MAFK: variants seen among roughly 807,000 people sequenced by gnomAD.
MAFK encodes the protein MAF bZIP transcription factor K, also known as transcription factor MafK.
Under a neutral mutation model 9.2 loss-of-function variants are expected in MAFK, and 1 was observed. That is an observed-to-expected ratio of 0.11 (90% CI 0.04 to 0.52). The LOEUF is 0.52. Ranked by LOEUF, MAFK falls within the 20% of genes least tolerant of loss-of-function variation. The probability of loss-of-function intolerance (pLI) is 0.94; values close to 1 mark genes in which losing one functional copy is unlikely to be tolerated. For synonymous variants in MAFK, 110 were observed against 107.4 expected (o/e 1.02, Z -0.15); for missense variants, 207 against 236.0 (o/e 0.88, Z 0.81).
At chr7:1,533,725 C>T (rs1355664323) in intron 1 of MAFK, among the ~76,000 whole-genome samples, 2 of 150,602 alleles carry the variant, frequency 1.3e-5, no homozygotes, top group African/African-American at 2.5e-5. Context: ...GGGATCAAGC[C>T]TGGTTGGCGC....
intron 1 of MAFK, 59 bp from the exon 2 acceptor site, chr7:1,539,090 C>G: frequency 7.3e-7 from 1 of 1,369,748 alleles, no homozygotes; most frequent in Non-Finnish European, 1.0e-6. Flanking sequence ...GGTGGGCACC[C>G]TGTCCGGCGC....
intron 1 of MAFK, chr7:1,537,676 C>G: frequency 1.0e-6 from 1 of 985,562 alleles, no homozygotes; most frequent in South Asian, 4.7e-5. Context: ...GACTCGGCAG[C>G]CTGGCGCAGG....
At chr7:1,536,948 G>A (rs1416868893) in intron 1 of MAFK, among the ~76,000 whole-genome samples, 1 of 152,198 alleles carries the variant, frequency 6.6e-6, no homozygotes, top group East Asian at 1.9e-4. Context: ...GGAGCCCTGC[G>A]TCCGCCAGGT....
At chr7:1,531,795 G>A (rs149271112) in intron 1 of MAFK, among the ~76,000 whole-genome samples, 15 of 151,978 alleles carry the variant, frequency 9.9e-5, no homozygotes, top group Admixed American at 2.0e-4. Flanking sequence ...ACCTGGGTCC[G>A]CCTGGGACAC....
intron 1 of MAFK, among the ~76,000 whole-genome samples, chr7:1,533,924 TGTG>T (rs1165018995): frequency 6.6e-6 from 1 of 151,542 alleles, no homozygotes; most frequent in Non-Finnish European, 1.5e-5. Flanking sequence ...AGGAGGATGG[TGTG>T]GTGGGAGCCA....
Position 1,539,214 on chromosome 7 carries a change from A to G in MAFK, c.22A>G (p.Asn8Asp), listed in dbSNP as rs1018377880. 2.5e-6 allele frequency: 4 copies of G among 1,611,622 alleles called. No individual in the cohort carries two copies. The African/African-American group carries it at 5.4e-5, about 22-fold the overall frequency. The change falls in exon 2 of 3, where the codon AAT (asparagine) becomes GAT (aspartate). Residue 8 changes from asparagine to aspartate, a missense_variant. Asn to Asp is a conservative substitution (Grantham distance 23). Transcript: ENST00000343242. MTTNPKPNKALKVKKEAG... is the reference protein window; with the variant it reads MTTNPKPDKALKVKKEAG... ...GGTTATGACGACTAATCCCAAACCG[A>G]ATAAGGCATTAAAGGTAAGGCTGGT... is the stretch of plus-strand genomic sequence containing the variant.
Position 1,540,699 on chromosome 7 carries a change from CCT to C in MAFK, c.*327_*328del, listed in dbSNP as rs778601930. ...GAAAGGCCCTCGGGAAGTTCCGCGT[CCT>C]CTGTGGGGGCTGCCGGAAGACACGG... On this transcript the variant is annotated 3_prime_UTR_variant, in exon 3 of 3. Coordinates refer to ENST00000343242, the MANE Select transcript of MAFK (RefSeq NM_002360.4). The C allele has an allele frequency of 9.0e-5, 29 of 322,240 alleles. No individual in the cohort carries two copies. Among genetic ancestry groups the C allele is most frequent in the Non-Finnish European group, 1.4e-4 (25 of 174,260 alleles). 20.0% of individuals were successfully genotyped at this position (322,240 alleles called of 1,614,324 possible).
intron 1 of MAFK, among the ~76,000 whole-genome samples, chr7:1,535,741 A>G (rs3824070): frequency 0.65 from 99,206 of 152,246 alleles, 32,992 homozygotes; most frequent in African/African-American, 0.78. Context: ...GTTCTGGACG[A>G]CTGACCCTGG....
In MAFK at chr7:1,532,668, G is replaced by A. The variant is rs546708300; in HGVS notation, c.-45+1770G>A. ...CTGCTGTTAAGGGAGACCGTCTTCC[G>A]GGCCACTTCGCTGTCTACAAGGCGT... On this transcript the variant is annotated intron_variant, in intron 1 of 2. Coordinates refer to ENST00000343242, the MANE Select transcript of MAFK (RefSeq NM_002360.4). This position sits in a 1 kb window ranked among gnomAD's most constrained non-coding sequence, Gnocchi z 4.5. Among the ~76,000 whole-genome samples the A allele has an allele frequency of 9.8e-5, 15 of 152,294 alleles. No individual in the cohort carries two copies. Among genetic ancestry groups the A allele is most frequent in the Non-Finnish European group, 1.5e-4 (10 of 68,026 alleles).
At chr7:1,535,919 G>A (rs1784016752) in intron 1 of MAFK, among the ~76,000 whole-genome samples, 1 of 152,256 alleles carries the variant, frequency 6.6e-6, no homozygotes, top group African/African-American at 2.4e-5. Context: ...CCCAGCTGCA[G>A]CCGCAGGAAT....
chr7:1,530,972 G>A (rs1457347924), intron 1 of MAFK, 74 bp downstream of exon 1: 5 of 146,388 alleles, frequency 3.4e-5, no homozygotes, highest in African/African-American at 1.2e-4. Context: ...GGGGCTACCT[G>A]GCCGCTGAGT....
intron 1 of MAFK, among the ~76,000 whole-genome samples, chr7:1,533,892 T>C (rs1375703394): frequency 6.6e-6 from 1 of 151,358 alleles, no homozygotes; most frequent in African/African-American, 2.4e-5. Flanking sequence ...AGGATGCTGA[T>C]GGGGAGCTGG....
chr7:1,537,321 G>A (rs1001473636), intron 1 of MAFK: 7 of 942,892 alleles, frequency 7.4e-6, no homozygotes, highest in South Asian at 4.9e-5. Flanking sequence ...TGGGAGGCCC[G>A]GGTGTGTGGG....
intron 1 of MAFK, chr7:1,538,281 C>T (rs1310367069): frequency 1.5e-5 from 15 of 985,394 alleles, no homozygotes; most frequent in South Asian, 4.7e-5. Flanking sequence ...GGACGACTCC[C>T]GCCAGACGGT....
intron 1 of MAFK, chr7:1,537,901 C>T: frequency 6.1e-6 from 1 of 162,970 alleles, no homozygotes; most frequent in Non-Finnish European, 1.3e-5. Context: ...CCAAGGACAC[C>T]CCCCACCGCC....
intron 1 of MAFK, 25 bp downstream of exon 1, chr7:1,530,923 CCCGGGCCGCGGCGGGGACGGGGA>C (rs1323866381): frequency 7.0e-6 from 1 of 143,540 alleles, no homozygotes; most frequent in Non-Finnish European, 1.5e-5. Context: ...GGCAGCGGGG[CCCGGGCCGCGGCGGGGACGGGGA>C]CCGGGGCGCG....
Position 1,540,094 on chromosome 7 carries a change from TA to T in MAFK, c.191del (p.Tyr64SerfsTer10). 1 of 1,567,480 alleles carries T rather than the reference TA, an allele frequency of 6.4e-7. No individual in the cohort carries two copies. Among genetic ancestry groups the T allele is most frequent in the Non-Finnish European group, 8.6e-7 (1 of 1,156,222 alleles). On this transcript the variant is annotated frameshift_variant, in exon 3 of 3. Coordinates refer to ENST00000343242, the MANE Select transcript of MAFK (RefSeq NM_002360.4). LOFTEE classifies it high-confidence loss of function. Reference sequence around the variant, plus strand: ...TCGGCGCACACTCAAGAACCGCGGCTACGCGGCCAGCTGCCGCATCAAGCGG... The same window carrying T: ...TCGGCGCACACTCAAGAACCGCGGCTCGCGGCCAGCTGCCGCATCAAGCGG... ...QRRRTLKNRG[Y>X]AASCRIKRVT...
rs966706676 is a variant in MAFK at position 1,540,696 on chromosome 7, C to T, written c.*321C>T. 2.1e-5 allele frequency: 7 copies of T among 328,328 alleles called. No homozygotes were observed. The highest frequency in any genetic ancestry group is 8.8e-4 in the Middle Eastern group (1 of 1,134). The allele number at this position is 328,328 out of a possible 1,614,324, so 20.3% of individuals were successfully genotyped here. ...ATGGAAAGGCCCTCGGGAAGTTCCG[C>T]GTCCTCTGTGGGGGCTGCCGGAAGA... On this transcript the variant is annotated 3_prime_UTR_variant, in exon 3 of 3. Coordinates refer to ENST00000343242, the MANE Select transcript of MAFK (RefSeq NM_002360.4).
chr7:1,539,653 G>A (rs1784128155), intron 2 of MAFK, among the ~76,000 whole-genome samples: 1 of 152,234 alleles, frequency 6.6e-6, no homozygotes, highest in Admixed American at 6.5e-5. Context: ...AGTCCCAGCA[G>A]CAGGACCCAT....
Sources: allele counts gnomAD v4.1 joint callset (sites outside exome capture counted in the v4.1 genomes callset), GRCh38; gene constraint gnomAD v4.1.1; non-coding constraint Gnocchi (gnomAD v3.1); transcripts MANE v1.5; gene names NCBI Gene and HGNC (gene_info 2026-07-23, HGNC 2026-07-21).